Variants in MELK observed in about 807,000 individuals in gnomAD.
MELK encodes the protein pEg3 kinase.
A neutral mutation model predicts 85.0 loss-of-function variants in MELK; 81 were observed. The observed-to-expected ratio is 0.95, with a 90% confidence interval of 0.80 to 1.15. The LOEUF (loss-of-function observed/expected upper bound fraction) is 1.15, where lower values mean the gene tolerates loss of function less well. Ranked by LOEUF, MELK falls within the 50% of genes most tolerant of loss-of-function variation. The pLI is 0.00. For missense variants in MELK, 754 were observed against 777.5 expected (o/e 0.97, Z 0.36); for synonymous variants, 252 against 265.0 (o/e 0.95, Z 0.48).
Position 36,677,338 on chromosome 9 carries a change from T to G in MELK, c.*1T>G, listed in dbSNP as rs142248586. ...CATCCTATCTAGCTGCAAGGTATAATTGATGGATTCTTCCATCCTGCCGGA... is the reference window on the plus strand; with the variant it reads ...CATCCTATCTAGCTGCAAGGTATAAGTGATGGATTCTTCCATCCTGCCGGA... On this transcript the variant is annotated 3_prime_UTR_variant, in exon 18 of 18. Coordinates refer to ENST00000298048, the MANE Select transcript of MELK (RefSeq NM_014791.4). The G allele has an allele frequency of 1.9e-6, 3 of 1,609,702 alleles. No homozygotes were observed. The Admixed American group carries it at 5.0e-5, about 27-fold the overall frequency.
At position 36,643,875 on chromosome 9, in the gene MELK, A is replaced by G. The variant is rs530915353; in HGVS notation, c.921+792A>G. Among the ~76,000 whole-genome samples, 3 of 150,902 alleles carry G rather than the reference A, an allele frequency of 2.0e-5. No individual in the cohort carries two copies. In the South Asian group the frequency reaches 6.4e-4, roughly 32 times the overall value. On this transcript the variant is annotated intron_variant, in intron 11 of 17. Transcript: ENST00000298048. Reference sequence around the variant, plus strand: ...TGTGAACCTGGGAGGCGGAGTTTGCAGTGAGCCAAGATCACGCCACTGCAC... The same window carrying G: ...TGTGAACCTGGGAGGCGGAGTTTGCGGTGAGCCAAGATCACGCCACTGCAC...
intron 8 of MELK, among the ~76,000 whole-genome samples, chr9:36,617,326 CT>C (rs1826932160): frequency 6.6e-6 from 1 of 151,270 alleles, no homozygotes; most frequent in Admixed American, 6.6e-5. Context: ...CAATCTTTTT[CT>C]TTTTTTCTTT....
At chr9:36,642,557 T>C (rs1829857495) in intron 10 of MELK, among the ~76,000 whole-genome samples, 2 of 150,808 alleles carry the variant, frequency 1.3e-5, no homozygotes, top group Non-Finnish European at 2.9e-5. Context: ...GCCTCCCAAG[T>C]GGCTGGGATT....
chr9:36,606,731 GTACATATA>G (rs1392093415), intron 7 of MELK: 5 of 147,172 alleles, frequency 3.4e-5, no homozygotes, highest in African/African-American at 7.4e-5. Context: ...GCATATATAT[GTACATATA>G]TACATATATA....
At chr9:36,588,107 C>T (rs113783460) in intron 3 of MELK, among the ~76,000 whole-genome samples, 24 of 151,604 alleles carry the variant, frequency 1.6e-4, no homozygotes, top group Non-Finnish European at 2.7e-4. Flanking sequence ...GCTCTTGTTT[C>T]CCAGGCTGGA....
intron 11 of MELK, among the ~76,000 whole-genome samples, chr9:36,649,045 G>A (rs1463769578): frequency 6.6e-6 from 1 of 152,084 alleles, no homozygotes; most frequent in East Asian, 1.9e-4. Context: ...TCAGATAAGA[G>A]AAGTGATTTT....
At chr9:36,587,525 C>T (rs1202237799) in intron 3 of MELK, among the ~76,000 whole-genome samples, 1 of 151,536 alleles carries the variant, frequency 6.6e-6, no homozygotes, top group Non-Finnish European at 1.5e-5. Context: ...CCATTTTGGC[C>T]AGGCTTGTCT....
At chr9:36,574,014 C>T (rs988567383) in intron 1 of MELK, among the ~76,000 whole-genome samples, 2 of 152,092 alleles carry the variant, frequency 1.3e-5, no homozygotes, top group African/African-American at 2.4e-5. Context: ...GTATCAGGAG[C>T]CTGGATTGTT....
At chr9:36,630,135 A>G (rs1253915212) in intron 8 of MELK, 164 bp from the exon 9 acceptor site, 4 of 642,354 alleles carry the variant, frequency 6.2e-6, no homozygotes, top group African/African-American at 3.6e-5. Context: ...GTGAGCCACC[A>G]CGCCCAGCCA....
intron 13 of MELK, 134 bp downstream of exon 13, chr9:36,657,497 A>C: frequency 1.0e-6 from 1 of 954,788 alleles, no homozygotes; most frequent in Non-Finnish European, 1.5e-6. Flanking sequence ...ATGAGCGATA[A>C]CTGGAATACG....
intron 8 of MELK, among the ~76,000 whole-genome samples, chr9:36,608,784 T>G (rs1242082109): frequency 6.6e-6 from 1 of 152,018 alleles, no homozygotes; most frequent in East Asian, 1.9e-4. Flanking sequence ...GGTTTCTCCA[T>G]GTTGGTCAGG....
At chr9:36,588,872 G>GT (rs1010432455) in intron 3 of MELK, among the ~76,000 whole-genome samples, 3 of 152,120 alleles carry the variant, frequency 2.0e-5, no homozygotes, top group Non-Finnish European at 2.9e-5. Context: ...AAGTTCACTG[G>GT]TTTTTTGCTC....
chr9:36,604,144 T>A (rs1040543443), intron 7 of MELK, among the ~76,000 whole-genome samples: 1 of 151,928 alleles, frequency 6.6e-6, no homozygotes, highest in East Asian at 1.9e-4. Context: ...AAATTTTGTA[T>A]TTTTAGTAGA....
At chr9:36,588,542 G>C (rs550803447) in intron 3 of MELK, among the ~76,000 whole-genome samples, 1 of 151,608 alleles carries the variant, frequency 6.6e-6, no homozygotes, top group South Asian at 2.1e-4. Context: ...ACCATGCCTG[G>C]CTAATTTTAT....
chr9:36,635,682 C>A (rs182916264), intron 10 of MELK, among the ~76,000 whole-genome samples: 75 of 152,050 alleles, frequency 4.9e-4, no homozygotes, highest in Admixed American at 1.0e-3. Flanking sequence ...ATCTGCAGAC[C>A]GTGCTTTGAG....
intron 16 of MELK, 94 bp downstream of exon 16, chr9:36,671,260 T>G (rs945918626): frequency 7.8e-7 from 1 of 1,288,336 alleles, no homozygotes; most frequent in Non-Finnish European, 1.0e-6. Context: ...GATTAGTGTT[T>G]TTTATTTGAG....
intron 5 of MELK, among the ~76,000 whole-genome samples, chr9:36,596,563 G>GTTTTTTTTTTTTTT (rs750016508): frequency 1.9e-5 from 2 of 106,134 alleles, no homozygotes; most frequent in African/African-American, 5.1e-5. Context: ...GGCCCTTTTT[G>GTTTTTTTTTTTTTT]TTTTTTTTGT....
chr9:36,676,075 TATC>T (rs899579372), intron 17 of MELK, among the ~76,000 whole-genome samples: 6 of 152,160 alleles, frequency 3.9e-5, no homozygotes, highest in African/African-American at 1.2e-4. Flanking sequence ...AATGATCTAT[TATC>T]TAACATGTGA....
chr9:36,584,726 T>A (rs1438237748), intron 3 of MELK, among the ~76,000 whole-genome samples: 1 of 148,240 alleles, frequency 6.7e-6, no homozygotes, highest in Admixed American at 6.7e-5. Context: ...TAGCTTTTTT[T>A]TTTTTTTTTT....
Sources: allele counts gnomAD v4.1 joint callset (sites outside exome capture counted in the v4.1 genomes callset), GRCh38; gene constraint gnomAD v4.1.1; transcripts MANE v1.5; gene names NCBI Gene and HGNC (gene_info 2026-07-23, HGNC 2026-07-21).